APBA2: variants seen among roughly 807,000 people sequenced by gnomAD.
APBA2 encodes amyloid-beta A4 precursor protein-binding family A member 2.
In APBA2, 30 loss-of-function variants were observed where a neutral mutation model predicts 75.0. The ratio of observed to expected loss-of-function variants is 0.40; its 90% CI spans 0.30 to 0.54. The LOEUF is 0.54. Among genes scored for constraint, APBA2 ranks in the 20% least tolerant of loss-of-function variants. APBA2 has a pLI of 0.49. For synonymous variants in APBA2, 444 were observed against 409.6 expected (o/e 1.08, Z -1.01); for missense variants, 801 against 1,016.1 (o/e 0.79, Z 2.88).
chr15:28,990,933 G>T (rs1050227947), intron 2 of APBA2: 1 of 152,206 alleles, frequency 6.6e-6, no homozygotes, highest in African/African-American at 2.4e-5. Context: ...GACTCTTGAA[G>T]ACTTAACTTT....
rs548203906 is a variant in APBA2 at position 29,066,832 on chromosome 15, C to G, written c.952-8089C>G. Among the ~76,000 whole-genome samples, 12 of 152,274 alleles carry G rather than the reference C, an allele frequency of 7.9e-5. No individual in the cohort carries two copies. The East Asian group carries it at 2.1e-3, about 27-fold the overall frequency. On this transcript the variant is annotated intron_variant, in intron 4 of 14. Transcript: ENST00000683413. ...TTGAGCCAGTCTGAACCCATGTAGC[C>G]ATTATCACACCGTGTTAGGCTATTC...
At chr15:29,036,649 C>T (rs1003809909) in intron 3 of APBA2, among the ~76,000 whole-genome samples, 1 of 152,242 alleles carries the variant, frequency 6.6e-6, no homozygotes, top group Non-Finnish European at 1.5e-5. Flanking sequence ...GTGACTCCCA[C>T]ACCTCTTTTA....
chr15:29,056,636 C>CCTCTCTCT (rs147310000), intron 4 of APBA2, among the ~76,000 whole-genome samples: 14 of 96,298 alleles, frequency 1.5e-4, no homozygotes, highest in South Asian at 3.8e-4. Context: ...CTCCCTCCCT[C>CCTCTCTCT]CTCTCTCTCT....
At chr15:29,059,525 C>T (rs1002564241) in intron 4 of APBA2, among the ~76,000 whole-genome samples, 1 of 152,046 alleles carries the variant, frequency 6.6e-6, no homozygotes, top group African/African-American at 2.4e-5. Flanking sequence ...GTCTTGTGAT[C>T]TAGGGTCAGG....
At chr15:28,894,192 AC>A (rs2032318172) in intron 1 of APBA2, 2 of 152,238 alleles carry the variant, frequency 1.3e-5, no homozygotes, top group African/African-American at 2.4e-5. Flanking sequence ...CAGTGGTAGA[AC>A]CGGGGGCAGG....
intron 4 of APBA2, among the ~76,000 whole-genome samples, chr15:29,063,231 G>T (rs2042219286): frequency 8.3e-6 from 1 of 120,022 alleles, no homozygotes; most frequent in African/African-American, 3.0e-5. Context: ...GTCAGTGTCT[G>T]TATGGGTAGG....
chr15:28,895,896 A>C (rs890300622), intron 1 of APBA2, among the ~76,000 whole-genome samples: 7 of 152,122 alleles, frequency 4.6e-5, no homozygotes, highest in African/African-American at 1.7e-4. Context: ...AGGCTCGCTT[A>C]AGCCCAGGAG....
rs2043666292 is a variant in APBA2, at chr15:29,093,181, C to T, written c.1176C>T (p.Ile392=). ...LLSERNPSKN[I]RMMQAQEAVS... ...CAGAACGGAACCCTTCCAAAAACAT[C>T]AGAATGATGCAAGCGCAGGAGGCCG... Residue 392 remains isoleucine (I), a synonymous_variant, in exon 7 of 15, where the codon ATC becomes ATT. Coordinates refer to ENST00000683413, the MANE Select transcript of APBA2 (RefSeq NM_001353788.2). 6.2e-7 allele frequency: 1 copy of T among 1,614,284 alleles called. No individual in the cohort carries two copies. Among genetic ancestry groups the T allele is most frequent in the East Asian group, 2.2e-5 (1 of 44,882 alleles).
At chr15:29,033,659 A>G (rs2040594761) in intron 3 of APBA2, among the ~76,000 whole-genome samples, 1 of 152,132 alleles carries the variant, frequency 6.6e-6, no homozygotes, top group South Asian at 2.1e-4. Context: ...ACCCAGAACC[A>G]GACAAAAGAA....
At chr15:29,095,561 A>G (rs1365820415) in intron 8 of APBA2, among the ~76,000 whole-genome samples, 1 of 152,256 alleles carries the variant, frequency 6.6e-6, no homozygotes, top group Admixed American at 6.5e-5. Flanking sequence ...GCCTGGGGCA[A>G]ACCCCGGGGT....
At chr15:28,969,545 T>C (rs2036953105) in intron 2 of APBA2, among the ~76,000 whole-genome samples, 2 of 152,126 alleles carry the variant, frequency 1.3e-5, no homozygotes, top group Non-Finnish European at 2.9e-5. Context: ...AGTGTAAAGA[T>C]AGAAGGACAC....
chr15:29,010,350 G>C (rs555093049), intron 3 of APBA2, among the ~76,000 whole-genome samples: 1 of 152,082 alleles, frequency 6.6e-6, no homozygotes, highest in Non-Finnish European at 1.5e-5. Flanking sequence ...GCTTCGCCTC[G>C]TGGGTTCACG....
At chr15:29,038,623 A>G (rs2040863217) in intron 3 of APBA2, among the ~76,000 whole-genome samples, 1 of 150,538 alleles carries the variant, frequency 6.6e-6, no homozygotes, top group Admixed American at 6.6e-5. Flanking sequence ...CCCTGGAGGG[A>G]CACACACCCA....
intron 2 of APBA2, among the ~76,000 whole-genome samples, chr15:28,965,087 T>A (rs1172896414): frequency 6.6e-6 from 1 of 152,074 alleles, no homozygotes; most frequent in Non-Finnish European, 1.5e-5. Context: ...TTTTTTTTTC[T>A]ACATGTCTTA....
intron 4 of APBA2, among the ~76,000 whole-genome samples, chr15:29,065,205 C>T (rs1003985977): frequency 1.3e-5 from 2 of 152,126 alleles, no homozygotes; most frequent in African/African-American, 4.8e-5. Context: ...GGCATCATGC[C>T]TCTCTTGCAC....
chr15:29,106,210 G>A (rs2130468), intron 11 of APBA2, among the ~76,000 whole-genome samples: 2,046 of 152,272 alleles, frequency 0.013, 47 homozygotes, highest in African/African-American at 0.046. Flanking sequence ...CAGGATATGG[G>A]TATGGGAGCC....
At chr15:29,059,627 C>T (rs559428761) in intron 4 of APBA2, among the ~76,000 whole-genome samples, 19 of 151,966 alleles carry the variant, frequency 1.3e-4, no homozygotes, top group Admixed American at 2.6e-4. Flanking sequence ...AAACAAGGTG[C>T]GTATAAACAG....
chr15:29,043,813 G>T (rs2041170669), intron 3 of APBA2, among the ~76,000 whole-genome samples: 1 of 152,148 alleles, frequency 6.6e-6, no homozygotes, highest in Non-Finnish European at 1.5e-5. Flanking sequence ...AGAGAGCCTT[G>T]CTTGACAGTG....
intron 3 of APBA2, among the ~76,000 whole-genome samples, chr15:29,050,815 T>C (rs1224007729): frequency 6.6e-6 from 1 of 152,196 alleles, no homozygotes; most frequent in African/African-American, 2.4e-5. Context: ...CTGTGTACTT[T>C]AGTTTGTTCT....
Sources: allele counts gnomAD v4.1 joint callset (sites outside exome capture counted in the v4.1 genomes callset), GRCh38; gene constraint gnomAD v4.1.1; transcripts MANE v1.5; gene names NCBI Gene and HGNC (gene_info 2026-07-23, HGNC 2026-07-21).